GRIA1: variants seen among roughly 807,000 people sequenced by gnomAD.
GRIA1 encodes the protein glutamate ionotropic receptor AMPA type subunit 1.
Under a neutral mutation model 99.2 loss-of-function variants are expected in GRIA1, and 31 were observed. The observed-to-expected ratio is 0.31, with a 90% CI of 0.23 to 0.42. The LOEUF (loss-of-function observed/expected upper bound fraction) is 0.42. GRIA1 is among the 10% of genes least tolerant of loss of function. The pLI is 1.00. For synonymous variants in GRIA1, 438 were observed against 432.4 expected, an observed-to-expected ratio of 1.01 and a Z score of -0.16; for missense variants, 782 against 1,157.5, an observed-to-expected ratio of 0.68 and a Z score of 4.71.
At chr5:153,585,409 A>G (rs116789782) in intron 2 of GRIA1, among the ~76,000 whole-genome samples, 7,809 of 146,266 alleles carry the variant, frequency 0.053, 277 homozygotes, top group Non-Finnish European at 0.076. Context: ...CCCGGGTCCA[A>G]GCAATTTTCC....
intron 2 of GRIA1, among the ~76,000 whole-genome samples, chr5:153,553,036 A>G (rs1476365488): frequency 6.6e-6 from 1 of 152,230 alleles, no homozygotes; most frequent in African/African-American, 2.4e-5. Context: ...AAGTGCCAGG[A>G]TTACAGGCAT....
intron 8 of GRIA1, among the ~76,000 whole-genome samples, chr5:153,696,779 A>G (rs1337478725): frequency 6.6e-6 from 1 of 152,210 alleles, no homozygotes; most frequent in Non-Finnish European, 1.5e-5. Flanking sequence ...ATCACAAAAC[A>G]AAACACAATT....
chr5:153,754,003 A>C (rs1376198341), intron 11 of GRIA1, among the ~76,000 whole-genome samples: 1 of 152,188 alleles, frequency 6.6e-6, no homozygotes, highest in East Asian at 1.9e-4. Context: ...CTAGTTTTGA[A>C]AGTGTTGGTT....
At chr5:153,508,527 G>A (rs993765354) in intron 2 of GRIA1, among the ~76,000 whole-genome samples, 2 of 152,102 alleles carry the variant, frequency 1.3e-5, no homozygotes, top group Admixed American at 6.6e-5. Flanking sequence ...GGCCAGTGGA[G>A]CTAAAGCATG....
At chr5:153,608,795 GT>G (rs904105587) in intron 2 of GRIA1, among the ~76,000 whole-genome samples, 42 of 151,262 alleles carry the variant, frequency 2.8e-4, no homozygotes, top group Non-Finnish European at 4.6e-4. Flanking sequence ...CTGTATAACA[GT>G]TTTTTTTTAC....
intron 15 of GRIA1, 96 bp from the exon 16 acceptor site, chr5:153,810,929 C>A: frequency 2.4e-6 from 2 of 850,968 alleles, no homozygotes; most frequent in Admixed American, 1.8e-5. Context: ...GATGGGAAAG[C>A]AGAGTTGGAT....
chr5:153,743,131 G>A (rs1210162167), intron 11 of GRIA1, among the ~76,000 whole-genome samples: 1 of 152,196 alleles, frequency 6.6e-6, no homozygotes, highest in Non-Finnish European at 1.5e-5. Context: ...AGAAAATAGA[G>A]AGGAGAAAAG....
chr5:153,531,076 A>G (rs1758056545), intron 2 of GRIA1, among the ~76,000 whole-genome samples: 1 of 152,228 alleles, frequency 6.6e-6, no homozygotes, highest in Non-Finnish European at 1.5e-5. Context: ...AAGAAGAGAT[A>G]CATGAGCTAA....
intron 11 of GRIA1, among the ~76,000 whole-genome samples, chr5:153,761,597 A>G (rs963370099): frequency 3.3e-5 from 5 of 152,208 alleles, no homozygotes; most frequent in African/African-American, 4.8e-5. Flanking sequence ...CATCATGGAC[A>G]GCATTATGGA....
intron 12 of GRIA1, among the ~76,000 whole-genome samples, chr5:153,767,817 C>A (rs1221048989): frequency 6.6e-6 from 1 of 152,154 alleles, no homozygotes. Flanking sequence ...GATCCAAGAA[C>A]AAATACCCTG....
chr5:153,799,955 C>G (rs1765897722), intron 14 of GRIA1, among the ~76,000 whole-genome samples: 1 of 152,164 alleles, frequency 6.6e-6, no homozygotes, highest in Non-Finnish European at 1.5e-5. Flanking sequence ...TCCTTGTAAA[C>G]CAGGGAGGCA....
intron 2 of GRIA1, among the ~76,000 whole-genome samples, chr5:153,592,370 G>A (rs1764048635): frequency 6.6e-6 from 1 of 151,506 alleles, no homozygotes; most frequent in African/African-American, 2.5e-5. Flanking sequence ...TCCAGGTTTG[G>A]GAGTCAGGAG....
At chr5:153,802,325 C>A in intron 14 of GRIA1, 31 bp from the exon 15 acceptor site, 6 of 1,610,638 alleles carry the variant, frequency 3.7e-6, no homozygotes, top group Non-Finnish European at 5.1e-6. Flanking sequence ...ATTCTTCCCC[C>A]TCCCCTTCCT....
At chr5:153,605,845 C>T (rs1765392148) in intron 2 of GRIA1, among the ~76,000 whole-genome samples, 2 of 151,996 alleles carry the variant, frequency 1.3e-5, no homozygotes, top group Admixed American at 6.6e-5. Context: ...TAAATGTGAG[C>T]CTTCAGTCAA....
chr5:153,781,249 A>G (rs950074647), intron 13 of GRIA1, among the ~76,000 whole-genome samples: 1 of 152,180 alleles, frequency 6.6e-6, no homozygotes, highest in African/African-American at 2.4e-5. Flanking sequence ...AAATTTGCAT[A>G]TATTATTCAT....
chr5:153,521,049 C>T (rs1441009684), intron 2 of GRIA1, among the ~76,000 whole-genome samples: 1 of 152,224 alleles, frequency 6.6e-6, no homozygotes, highest in East Asian at 1.9e-4. Flanking sequence ...ATCACTACCC[C>T]AGAATTCAAA....
chr5:153,606,575 G>A (rs1308973878), intron 2 of GRIA1, among the ~76,000 whole-genome samples: 2 of 151,646 alleles, frequency 1.3e-5, no homozygotes, highest in African/African-American at 2.4e-5. Flanking sequence ...ATTTTTTTCA[G>A]TAATATTTTG....
chr5:153,530,863 A>G (rs1410827483), intron 2 of GRIA1, among the ~76,000 whole-genome samples: 1 of 152,234 alleles, frequency 6.6e-6, no homozygotes, highest in Non-Finnish European at 1.5e-5. Flanking sequence ...TAGTTACTGA[A>G]CACCTATGAT....
At chr5:153,739,493 A>G (rs974763864) in intron 11 of GRIA1, among the ~76,000 whole-genome samples, 9 of 152,220 alleles carry the variant, frequency 5.9e-5, no homozygotes, top group Admixed American at 3.9e-4. Context: ...AGCTGACTCA[A>G]TGTTGACTGA....
Sources: allele counts gnomAD v4.1 joint callset (sites outside exome capture counted in the v4.1 genomes callset), GRCh38; gene constraint gnomAD v4.1.1; transcripts MANE v1.5; gene names NCBI Gene and HGNC (gene_info 2026-07-23, HGNC 2026-07-21).